The following AHCYL2 variants were observed in gnomAD, a reference collection of about 807,000 sequenced individuals.
AHCYL2 encodes S-adenosylhomocysteine hydrolase-like protein 2.
AHCYL2 carries 28 observed loss-of-function variants against 81.4 expected under a neutral mutation model. The ratio of observed to expected loss-of-function variants is 0.34; its 90% CI spans 0.25 to 0.47. AHCYL2 has a LOEUF of 0.47. Among genes scored for constraint, AHCYL2 ranks in the 20% least tolerant of loss-of-function variants. The pLI is 1.00. For synonymous variants in AHCYL2, 272 were observed against 290.2 expected (o/e 0.94, Z 0.64); for missense variants, 551 against 785.1 (o/e 0.70, Z 3.56).
chr7:129,376,655 G>A (rs538400811), intron 1 of AHCYL2, among the ~76,000 whole-genome samples: 86 of 152,340 alleles, frequency 5.6e-4, no homozygotes, highest in Admixed American at 1.6e-3. Flanking sequence ...GAGTATAAGA[G>A]TGACTGGCCC....
chr7:129,389,012 A>C, intron 2 of AHCYL2, 44 bp from the exon 3 acceptor site: 1 of 1,580,734 alleles, frequency 6.3e-7, no homozygotes, highest in Non-Finnish European at 8.6e-7. Context: ...ATTTTAGAGG[A>C]AGCATTTTTT....
chr7:129,393,123 A>G (rs193002668), intron 4 of AHCYL2, among the ~76,000 whole-genome samples: 2 of 152,300 alleles, frequency 1.3e-5, no homozygotes, highest in East Asian at 1.9e-4. Flanking sequence ...TTTATAATTA[A>G]TATGTTTTTT....
At chr7:129,399,728 T>TC (rs200836209) in intron 5 of AHCYL2, among the ~76,000 whole-genome samples, 4 of 146,340 alleles carry the variant, frequency 2.7e-5, no homozygotes, top group African/African-American at 1.0e-4. Flanking sequence ...TAGTCACTTT[T>TC]TTTTTTTTTT....
intron 12 of AHCYL2, among the ~76,000 whole-genome samples, chr7:129,415,119 T>A (rs1796781967): frequency 6.6e-6 from 1 of 152,236 alleles, no homozygotes; most frequent in Non-Finnish European, 1.5e-5. Flanking sequence ...TAGTTGGTTC[T>A]TTAGTTTTCT....
intron 2 of AHCYL2, among the ~76,000 whole-genome samples, chr7:129,380,442 G>A (rs1168773222): frequency 6.6e-6 from 1 of 152,132 alleles, no homozygotes; most frequent in East Asian, 1.9e-4. Flanking sequence ...ATAGGGAGCT[G>A]AGTGCTTGCC....
chr7:129,291,761 C>G (rs1031808915), intron 1 of AHCYL2, among the ~76,000 whole-genome samples: 5 of 151,880 alleles, frequency 3.3e-5, no homozygotes, highest in African/African-American at 9.7e-5. Context: ...GCCACCATGC[C>G]TGGAAAATTT....
chr7:129,418,457 G>A (rs759079697), intron 12 of AHCYL2, among the ~76,000 whole-genome samples: 15 of 151,952 alleles, frequency 9.9e-5, no homozygotes, highest in Admixed American at 2.0e-4. Flanking sequence ...CCGCCACCAC[G>A]CCTGGCAGAT....
At chr7:129,227,895 C>T (rs148826282) in intron 1 of AHCYL2, among the ~76,000 whole-genome samples, 12 of 152,274 alleles carry the variant, frequency 7.9e-5, no homozygotes, top group East Asian at 3.9e-4. Flanking sequence ...AGCTGGATGA[C>T]GAAATTCAGG....
chr7:129,303,256 CCGAA>C (rs1197343340), intron 1 of AHCYL2, among the ~76,000 whole-genome samples: 1 of 152,192 alleles, frequency 6.6e-6, no homozygotes, highest in East Asian at 1.9e-4. Flanking sequence ...GCCTTGGCCT[CCGAA>C]AGTGCTGGGA....
chr7:129,306,048 G>C (rs1322542783), intron 1 of AHCYL2, among the ~76,000 whole-genome samples: 1 of 152,124 alleles, frequency 6.6e-6, no homozygotes, highest in East Asian at 1.9e-4. Context: ...TGGGAGTTTG[G>C]ATATTAAGTG....
intron 1 of AHCYL2, among the ~76,000 whole-genome samples, chr7:129,325,046 A>C (rs999069342): frequency 6.6e-6 from 1 of 152,006 alleles, no homozygotes. Flanking sequence ...CTTTTTATTT[A>C]TTTTTTTATA....
intron 11 of AHCYL2, among the ~76,000 whole-genome samples, chr7:129,412,257 G>A (rs1796617004): frequency 6.6e-6 from 1 of 150,634 alleles, no homozygotes; most frequent in South Asian, 2.1e-4. Context: ...TCACTTGAGT[G>A]ATTTAAAACA....
intron 2 of AHCYL2, among the ~76,000 whole-genome samples, chr7:129,380,655 A>C (rs1302730110): frequency 1.3e-5 from 2 of 152,186 alleles, no homozygotes; most frequent in Non-Finnish European, 2.9e-5. Flanking sequence ...TTCCCCCCAC[A>C]GTAACAGTGA....
rs530160797 is a variant in AHCYL2, at chr7:129,421,965, A to G, written c.1462-875A>G. On this transcript the variant is annotated intron_variant, in intron 12 of 16. Transcript: ENST00000325006. ...AGCGTTTCTTTTTATTTGTCTAAAA[A>G]CTATTTGGCAGAACTTCTTAATTTT... Among the ~76,000 whole-genome samples, 11 of 152,342 alleles carry G rather than the reference A, an allele frequency of 7.2e-5. No homozygotes were observed. In the South Asian group the frequency reaches 2.1e-3, roughly 29 times the overall value.
intron 1 of AHCYL2, among the ~76,000 whole-genome samples, chr7:129,339,449 A>G (rs1253247967): frequency 6.6e-6 from 1 of 152,216 alleles, no homozygotes; most frequent in East Asian, 1.9e-4. Flanking sequence ...GAAGACTGGT[A>G]ACTATCTTTG....
chr7:129,231,665 G>A (rs1001330255), intron 1 of AHCYL2, among the ~76,000 whole-genome samples: 21 of 152,110 alleles, frequency 1.4e-4, no homozygotes, highest in African/African-American at 4.3e-4. Flanking sequence ...CCCAACAAGA[G>A]GTTTAGTAAA....
At chr7:129,389,600 C>G (rs1174340019) in intron 3 of AHCYL2, 34 bp from the exon 4 acceptor site, 1 of 1,507,816 alleles carries the variant, frequency 6.6e-7, no homozygotes, top group Admixed American at 1.9e-5. Flanking sequence ...ATTCCTTCTT[C>G]TTTAATATTG....
chr7:129,364,847 C>T (rs780075455), intron 1 of AHCYL2, among the ~76,000 whole-genome samples: 65 of 152,136 alleles, frequency 4.3e-4, no homozygotes, highest in Non-Finnish European at 7.5e-4. Flanking sequence ...AGGACTAAAA[C>T]CCTACTAAGG....
intron 1 of AHCYL2, among the ~76,000 whole-genome samples, chr7:129,300,951 G>T (rs771220128): frequency 2.0e-5 from 3 of 152,098 alleles, no homozygotes; most frequent in South Asian, 2.1e-4. Flanking sequence ...TCCTGCCTTG[G>T]CCTGCCAAGT....
Sources: allele counts gnomAD v4.1 joint callset (sites outside exome capture counted in the v4.1 genomes callset), GRCh38; gene constraint gnomAD v4.1.1; transcripts MANE v1.5; gene names NCBI Gene and HGNC (gene_info 2026-07-23, HGNC 2026-07-21).